Variants in CFAP74 observed in about 807,000 individuals in gnomAD.
CFAP74 encodes the protein cilia- and flagella-associated protein 74.
In CFAP74, 124 loss-of-function variants were observed where a neutral mutation model predicts 188.9. The ratio of observed to expected loss-of-function variants is 0.66; its 90% CI spans 0.57 to 0.76. The LOEUF (loss-of-function observed/expected upper bound fraction) is 0.76, where lower values mean the gene tolerates loss of function less well. Among genes scored for constraint, CFAP74 ranks in the 30% least tolerant of loss-of-function variants. The pLI is 0.00. For missense variants in CFAP74, 2,198 were observed against 2,165.2 expected, an observed-to-expected ratio of 1.02 and a Z score of -0.30; for synonymous variants, 956 against 916.7, an observed-to-expected ratio of 1.04 and a Z score of -0.77.
Position 2,003,415 on chromosome 1 carries a change from C to G in CFAP74, c.-20+286G>C, listed in dbSNP as rs539500621. On this transcript the variant is annotated intron_variant, in intron 1 of 38. Transcript: ENST00000682832. ...ACACTCACGAGTCTTAACTGTTCAC[C>G]AGACAGGCTGGCCCTTGATTTTTGT... Among the ~76,000 whole-genome samples, 9 of 152,090 alleles carry G rather than the reference C, an allele frequency of 5.9e-5. No individual in the cohort carries two copies. The South Asian group carries it at 1.9e-3, about 31-fold the overall frequency.
rs142060365 is a variant in CFAP74 at position 1,955,396 on chromosome 1, G to A, written c.2176+295C>T. On this transcript the variant is annotated intron_variant, in intron 18 of 38. Transcript: ENST00000682832. ...CAGCCCGGCCCCTCCAGGGGGCACC[G>A]CAGAGCCTCTTCCCCGCCCTGTGCG... The A allele has an allele frequency of 6.6e-4, 922 of 1,398,536 alleles. 9 individuals carry two copies. In the African/African-American group the frequency reaches 0.011, roughly 16 times the overall value. The allele number at this position is 1,398,536 out of a possible 1,614,324, so 86.6% of individuals were successfully genotyped here. A position where few individuals can be genotyped will look rare whatever the true frequency, so the allele number is the denominator to read the frequency against.
intron 14 of CFAP74, among the ~76,000 whole-genome samples, chr1:1,960,281 C>CGT (rs1654990835): frequency 6.6e-6 from 1 of 152,356 alleles, no homozygotes; most frequent in East Asian, 1.9e-4. Flanking sequence ...TCACTGAAGG[C>CGT]GTGAGGCAAG....
At position 1,939,612 on chromosome 1, in the gene CFAP74, C is replaced by G; in HGVS notation, c.2859G>C (p.Gly953=). 1.3e-6 allele frequency: 2 copies of G among 1,535,818 alleles called. No individual in the cohort carries two copies. The highest frequency in any genetic ancestry group is 1.7e-6 in the Non-Finnish European group (2 of 1,146,650). ...GAGGTACCTTGGGAAGCCTGACGAA[C>G]CCGAACTCCTGGGGCAGGAGCGAGT... ...HNHSLLPQEF[G]FVRLPKFVDV... is the part of the protein sequence containing the mutation. Residue 953 remains glycine, a synonymous_variant, in exon 24 of 39, where the codon GGG becomes GGC. Coordinates refer to ENST00000682832, the MANE Select transcript of CFAP74 (RefSeq NM_001304360.2).
chr1:1,927,590 G>C lies in CFAP74; in HGVS notation c.3527+17C>G, dbSNP rs1462417127. 3.2e-6 allele frequency: 5 copies of C among 1,545,760 alleles called. No individual in the cohort carries two copies. Among genetic ancestry groups the C allele is most frequent in the Non-Finnish European group, 4.4e-6 (5 of 1,144,746 alleles). On this transcript the variant is annotated intron_variant, in intron 28 of 38. Transcript: ENST00000682832. ...GGCCTGGAGGGAAGCAGGTGGGGCA[G>C]CCCCTCCTGGACCCACCTGGGCCTC...
At chr1:1,927,108 T>TCAGGGTCC (rs927080660) in intron 28 of CFAP74, 80 bp from the exon 29 acceptor site, 116 of 1,499,256 alleles carry the variant, frequency 7.7e-5, no homozygotes, top group East Asian at 5.4e-4. Flanking sequence ...CGGCTCTGCC[T>TCAGGGTCC]CAGGGTCCCA....
rs58936232 is a variant in CFAP74 at position 1,938,435 on chromosome 1, T to C, written c.3011+420A>G. Among the ~76,000 whole-genome samples, 331 of 150,914 alleles carry C rather than the reference T, an allele frequency of 2.2e-3. 1 individual carries two copies. Among genetic ancestry groups the C allele is most frequent in the African/African-American group, 7.4e-3 (305 of 40,982 alleles). ...ACTCACATACCTGCACTCACACTCC[T>C]GCAGGCTCACACACACACTCCCACA... is the stretch of plus-strand genomic sequence containing the variant. On this transcript the variant is annotated intron_variant, in intron 25 of 38. Transcript: ENST00000682832.
chr1:1,966,891 T>C lies in CFAP74; in HGVS notation c.1246-365A>G, dbSNP rs554038012. 2.0e-5 allele frequency among the ~76,000 whole-genome samples: 3 copies of C among 151,332 alleles called. No individual in the cohort carries two copies. The South Asian group carries it at 6.3e-4, about 32-fold the overall frequency. On this transcript the variant is annotated intron_variant, in intron 11 of 38. Transcript: ENST00000682832. ...TTGCACTGTCACCTGGGCTAGAGTG[T>C]AGCAGCGCGATCTCAGCTCACTGCA...
At chr1:1,987,143 G>GC in intron 4 of CFAP74, 108 bp from the exon 5 acceptor site, 1 of 840,000 alleles carries the variant, frequency 1.2e-6, no homozygotes, top group Non-Finnish European at 1.9e-6. Context: ...GACCCCCAGA[G>GC]CCCCCCTCAC....
chr1:2,002,887 T>C (rs1247920319), intron 1 of CFAP74, among the ~76,000 whole-genome samples: 3 of 150,844 alleles, frequency 2.0e-5, no homozygotes, highest in Admixed American at 6.6e-5. Context: ...GACACATGCA[T>C]AGGTAGTAAA....
intron 25 of CFAP74, among the ~76,000 whole-genome samples, chr1:1,938,288 C>T (rs1436009786): frequency 1.3e-5 from 2 of 152,024 alleles, no homozygotes; most frequent in African/African-American, 2.4e-5. Flanking sequence ...CATGCACTCA[C>T]ACTCAACCTT....
chr1:1,985,367 C>T lies in CFAP74; in HGVS notation c.500+19G>A, dbSNP rs3795281. 0.021 allele frequency: 33,550 copies of T among 1,599,568 alleles called. 3,152 individuals are homozygous for T. The African/African-American group carries it at 0.27, about 13-fold the overall frequency. On this transcript the variant is annotated intron_variant, in intron 6 of 38. Transcript: ENST00000682832. ...TCTGGGGCCTGCCTGCTGCCAGTCC[C>T]GGCTGCACACCGACTCACTCGCTCT...
At chr1:1,931,453 A>G (rs1652366840) in intron 25 of CFAP74, among the ~76,000 whole-genome samples, 1 of 144,404 alleles carries the variant, frequency 6.9e-6, no homozygotes, top group Non-Finnish European at 1.5e-5. Context: ...AAAAAAAAAA[A>G]AGTTCGGGCA....
rs985195579 is a variant in CFAP74 at position 1,975,521 on chromosome 1, T to G, written c.501-1323A>C. Among the ~76,000 whole-genome samples, 1 of 152,144 alleles carries G rather than the reference T, an allele frequency of 6.6e-6. No individual in the cohort carries two copies. The highest frequency in any genetic ancestry group is 2.4e-5 in the African/African-American group (1 of 41,420). The stretch of plus-strand genomic sequence containing the variant: ...CCCTCTCTCGTACGCCCACTTGGTT[T>G]TGGCATCGAGGTTGTGTCACTGCAT... On this transcript the variant is annotated intron_variant, in intron 6 of 38. Coordinates refer to ENST00000682832, the MANE Select transcript of CFAP74 (RefSeq NM_001304360.2). This position sits in a 1 kb window ranked among gnomAD's most constrained non-coding sequence, Gnocchi z 4.5.
Position 1,926,330 on chromosome 1 carries a change from C to T in CFAP74, c.3846G>A (p.Leu1282=). ...PEDLALDFSL[L]NPNGPFVLLN... ...GCAGGACAAAGGGGCCGTTGGGGTT[C>T]AGCAGGGAGAAGTCCAGCTGAGGGT... The change falls in exon 32 of 39, where the codon CTG becomes CTA. Residue 1282 remains leucine, a synonymous_variant. Coordinates refer to ENST00000682832, the MANE Select transcript of CFAP74 (RefSeq NM_001304360.2). 6.5e-7 allele frequency: 1 copy of T among 1,548,110 alleles called. No homozygotes were observed. Among genetic ancestry groups the T allele is most frequent in the Non-Finnish European group, 8.7e-7 (1 of 1,145,684 alleles).
At chr1:2,000,605 G>A (rs576442050) in intron 1 of CFAP74, among the ~76,000 whole-genome samples, 2 of 152,240 alleles carry the variant, frequency 1.3e-5, no homozygotes, top group Non-Finnish European at 1.5e-5. Context: ...CTGAAGGCAC[G>A]AGGGAAGGGC....
chr1:1,964,438 A>C (rs1486145174), intron 13 of CFAP74, among the ~76,000 whole-genome samples: 1 of 152,208 alleles, frequency 6.6e-6, no homozygotes, highest in Non-Finnish European at 1.5e-5. Context: ...CCTGGAAGAG[A>C]AGGTCCACAC....
intron 18 of CFAP74, chr1:1,954,700 T>G: frequency 1.6e-6 from 1 of 616,800 alleles, no homozygotes. Context: ...GGAGGATTGC[T>G]TGAGCCCGGG....
In CFAP74 at chr1:1,974,579, T is replaced by C. The variant is rs535201569; in HGVS notation, c.501-381A>G. Among the ~76,000 whole-genome samples, 13 of 151,760 alleles carry C rather than the reference T, an allele frequency of 8.6e-5. No individual in the cohort carries two copies. In the South Asian group the frequency reaches 1.7e-3, roughly 19 times the overall value. On this transcript the variant is annotated intron_variant, in intron 6 of 38. Coordinates refer to ENST00000682832, the MANE Select transcript of CFAP74 (RefSeq NM_001304360.2). Reference sequence around the variant, plus strand: ...TGGGCTGGAGGATCCCTGGTGCAAATTGACCGGCACCCAAGACCACCCCTC... The same window carrying C: ...TGGGCTGGAGGATCCCTGGTGCAAACTGACCGGCACCCAAGACCACCCCTC...
chr1:1,926,378 G>T lies in CFAP74; in HGVS notation c.3829-31C>A. 3.9e-6 allele frequency: 6 copies of T among 1,550,034 alleles called. No homozygotes were observed. The South Asian group carries it at 5.9e-5, about 15-fold the overall frequency. On this transcript the variant is annotated intron_variant, in intron 31 of 38. Coordinates refer to ENST00000682832, the MANE Select transcript of CFAP74 (RefSeq NM_001304360.2). ...GGTCCACGTCAAGGAGGGGATACAG[G>T]TGTCTGCAGGCTCTACCACGCCCTC...
Sources: gnomAD v4.1 joint callset for allele counts (sites outside exome capture counted in the v4.1 genomes callset) on GRCh38, gnomAD v4.1.1 for gene constraint, Gnocchi (gnomAD v3.1) non-coding constraint, MANE v1.5 for transcripts, NCBI Gene and HGNC (gene_info 2026-07-23, HGNC 2026-07-21) for gene names.